The following LMF1 variants were observed in gnomAD, a reference collection of about 807,000 sequenced individuals.
The protein encoded by LMF1 is transmembrane protein 112.
LMF1 carries 68 observed loss-of-function variants against 60.6 expected under a neutral mutation model. The observed-to-expected ratio is 1.12, with a 90% CI of 0.92 to 1.37. The LOEUF is 1.37. LMF1 is among the 40% of genes most tolerant of loss of function. The pLI is 0.00. For missense variants in LMF1, 948 were observed against 767.2 expected (o/e 1.24, Z -2.78); for synonymous variants, 418 against 324.7 (o/e 1.29, Z -3.09).
At chr16:862,791 G>T (rs982004700) in intron 10 of LMF1, among the ~76,000 whole-genome samples, 15 of 152,154 alleles carry the variant, frequency 9.9e-5, no homozygotes, top group African/African-American at 3.4e-4. Flanking sequence ...TGAGGAGGTC[G>T]AGGCTACAGT....
At chr16:973,893 C>A (rs2073089438), upstream of LMF1, among the ~76,000 whole-genome samples, 1 of 151,900 alleles carries the variant, frequency 6.6e-6, no homozygotes, top group South Asian at 2.1e-4. Flanking sequence ...GCCTGTAGTC[C>A]CAGCTACTCG....
Position 878,937 on chromosome 16 carries a change from T to C in LMF1, c.897+633A>G, listed in dbSNP as rs924220235. 7.2e-5 allele frequency among the ~76,000 whole-genome samples: 11 copies of C among 152,312 alleles called. No homozygotes were observed. Among genetic ancestry groups the C allele is most frequent in the Admixed American group, 5.2e-4 (8 of 15,302 alleles). On this transcript the variant is annotated intron_variant, in intron 6 of 10. Coordinates refer to ENST00000262301, the MANE Select transcript of LMF1 (RefSeq NM_022773.4). This position sits in a 1 kb window ranked among gnomAD's most constrained non-coding sequence, Gnocchi z 5.2. ...TTTCCTTGGGAATTGACAGTCGGAA[T>C]GTAGCGTTTACAGGGAAAAGCAAAG...
chr16:976,810 ACG>A (rs1384810293), intron 1 of LMF1: 7 of 453,992 alleles, frequency 1.5e-5, no homozygotes, highest in African/African-American at 1.4e-4. Context: ...GCTGGTCTCC[ACG>A]CTTTGGGCAT....
chr16:979,895 G>C lies in LMF1; in HGVS notation c.-135+1250C>G, dbSNP rs906644002. ...GATGAGTTCCGCGGGCGCCCCAGGC[G>C]ATGCTCTGAGGGCCACGGAAGGATG... On this transcript the variant is annotated intron_variant, in intron 1 of 6. Transcript: ENST00000570014. 3 of 394,132 alleles carry C rather than the reference G, an allele frequency of 7.6e-6. No homozygotes were observed. The East Asian group carries it at 2.2e-4, about 29-fold the overall frequency. 24.4% of individuals were successfully genotyped at this position (394,132 alleles called of 1,614,324 possible).
At chr16:933,977 G>C in intron 3 of LMF1, 1 of 1,446,984 alleles carries the variant, frequency 6.9e-7, no homozygotes, top group South Asian at 1.2e-5. Context: ...CCAGGGAAGC[G>C]GTGGTAATCA....
rs111535466 is a variant in LMF1 at position 862,764 on chromosome 16, G to A, written c.1529+6180C>T. ...TCCCAGCTACCTGGGAGGCTGAGGC[G>A]GGAGGATAATTTGAGCTGAGGAGGT... On this transcript the variant is annotated intron_variant, in intron 10 of 10. Transcript: ENST00000262301. Among the ~76,000 whole-genome samples the A allele has an allele frequency of 2.8e-3, 419 of 152,196 alleles. 2 individuals are homozygous for A. The highest frequency in any genetic ancestry group is 9.3e-3 in the African/African-American group (388 of 41,548).
At chr16:860,897 G>A (rs985709757) in intron 10 of LMF1, among the ~76,000 whole-genome samples, 1 of 152,086 alleles carries the variant, frequency 6.6e-6, no homozygotes, top group Non-Finnish European at 1.5e-5. Flanking sequence ...CTTGAAACTG[G>A]GTAGATTGAT....
intron 3 of LMF1, among the ~76,000 whole-genome samples, chr16:930,534 C>G (rs2071749989): frequency 6.6e-6 from 1 of 152,124 alleles, no homozygotes; most frequent in Non-Finnish European, 1.5e-5. Flanking sequence ...GCCTGGGTGA[C>G]AGAGCAAGAC....
chr16:899,078 C>G (rs1437859440), intron 4 of LMF1: 1 of 152,266 alleles, frequency 6.6e-6, no homozygotes, highest in African/African-American at 2.4e-5. Flanking sequence ...CAGGAGAGCA[C>G]TGTCCTGTGT....
At chr16:870,440 G>T (rs533551635) in intron 8 of LMF1, among the ~76,000 whole-genome samples, 7 of 152,322 alleles carry the variant, frequency 4.6e-5, no homozygotes, top group African/African-American at 1.7e-4. Flanking sequence ...AGGGGGTTGG[G>T]GCCTGGTGGC....
rs573498086 is a variant in LMF1 at position 880,531 on chromosome 16, A to G, written c.730-794T>C. On this transcript the variant is annotated intron_variant, in intron 5 of 10. Transcript: ENST00000262301. The stretch of plus-strand genomic sequence containing the variant: ...TATAAAAATAAAAAATTAGCTGGGC[A>G]TGGTGGTGCGTGCCTGTAGCCCCAG... Among the ~76,000 whole-genome samples, 7 of 152,338 alleles carry G rather than the reference A, an allele frequency of 4.6e-5. No individual in the cohort carries two copies. In the East Asian group the frequency reaches 1.3e-3, roughly 29 times the overall value.
chr16:855,495 G>C, intron 10 of LMF1: 1 of 357,390 alleles, frequency 2.8e-6, no homozygotes, highest in South Asian at 2.1e-5. Context: ...TTTTCTCCTG[G>C]GGGTGGGACG....
chr16:879,651 G>A lies in LMF1; in HGVS notation c.816C>T (p.Phe272=), dbSNP rs1376129314. ...GGAAGAAGGGCACCAGGAGCTCGAT[G>A]AAGTGGTTGCTGAGCGTCTCGAAGC... is the stretch of plus-strand genomic sequence containing the variant. ...FHRFETLSNH[F]IELLVPFFLF... The change falls in exon 6 of 11, where the codon TTC becomes TTT. Residue 272 remains phenylalanine (F), a synonymous_variant. Coordinates refer to ENST00000262301, the MANE Select transcript of LMF1 (RefSeq NM_022773.4). 5.0e-6 allele frequency: 8 copies of A among 1,612,932 alleles called. No individual in the cohort carries two copies. Among genetic ancestry groups the A allele is most frequent in the South Asian group, 1.1e-5 (1 of 90,800 alleles).
chr16:907,123 C>T (rs1237158471), intron 4 of LMF1, among the ~76,000 whole-genome samples: 1 of 152,074 alleles, frequency 6.6e-6, no homozygotes, highest in Non-Finnish European at 1.5e-5. Flanking sequence ...ACTGATTTGC[C>T]AGGTGTGGTG....
chr16:871,424 G>C, intron 6 of LMF1, 83 bp from the exon 7 acceptor site: 1 of 1,385,100 alleles, frequency 7.2e-7, no homozygotes, highest in Non-Finnish European at 1.0e-6. Flanking sequence ...CTGGAGCAGG[G>C]AGGGGGGAGG....
At chr16:858,809 T>A (rs373048546) in intron 10 of LMF1, among the ~76,000 whole-genome samples, 50 of 20,596 alleles carry the variant, frequency 2.4e-3, no homozygotes, top group East Asian at 4.7e-3. Context: ...GAGTGGTGTC[T>A]CGGGACGGGT....
chr16:971,622 C>A (rs1371239362), upstream of LMF1, among the ~76,000 whole-genome samples: 1 of 152,208 alleles, frequency 6.6e-6, no homozygotes, highest in African/African-American at 2.4e-5. Context: ...ACTCAGGACT[C>A]AGGAGGGAAG....
At chr16:923,617 A>G (rs1352564662) in intron 3 of LMF1, among the ~76,000 whole-genome samples, 1 of 152,150 alleles carries the variant, frequency 6.6e-6, no homozygotes. Flanking sequence ...ACTGCTTTAG[A>G]AGGACGTGGA....
chr16:932,958 C>T lies in LMF1; in HGVS notation c.514+1286G>A, dbSNP rs546762471. 2.6e-5 allele frequency: 4 copies of T among 152,322 alleles called. No individual in the cohort carries two copies. In the East Asian group the frequency reaches 5.8e-4, roughly 22 times the overall value. The allele number at this position is 152,322 out of a possible 1,614,324, so 9.4% of individuals were successfully genotyped here. A position where few individuals can be genotyped will look rare whatever the true frequency, so the allele number is the denominator to read the frequency against. On this transcript the variant is annotated intron_variant, in intron 3 of 10. Coordinates refer to ENST00000262301, the MANE Select transcript of LMF1 (RefSeq NM_022773.4). ...CCGCACACGCTTCCTCACGTCTACT[C>T]GCTCCCACACGCGTGAGCACTCTGC...
Sources: allele counts gnomAD v4.1 joint callset (sites outside exome capture counted in the v4.1 genomes callset), GRCh38; gene constraint gnomAD v4.1.1; non-coding constraint Gnocchi (gnomAD v3.1); transcripts MANE v1.5; gene names NCBI Gene and HGNC (gene_info 2026-07-23, HGNC 2026-07-21).